Variants in ADGRL3 observed in about 807,000 individuals in gnomAD.
The protein encoded by ADGRL3 is adhesion G protein-coupled receptor L3.
In ADGRL3, 62 loss-of-function variants were observed where a neutral mutation model predicts 153.5. The ratio of observed to expected loss-of-function variants is 0.40; its 90% CI spans 0.33 to 0.50. The LOEUF is 0.50. ADGRL3 is among the 20% of genes least tolerant of loss of function. The pLI, the probability that ADGRL3 is intolerant of heterozygous loss-of-function variation, is 0.47. For missense variants in ADGRL3, 1,641 were observed against 1,859.4 expected, an observed-to-expected ratio of 0.88 and a Z score of 2.16; for synonymous variants, 710 against 672.5, an observed-to-expected ratio of 1.06 and a Z score of -0.86.
intron 9 of ADGRL3, among the ~76,000 whole-genome samples, chr4:61,852,830 ATTT>A (rs2098222552): frequency 2.0e-5 from 3 of 151,314 alleles, no homozygotes; most frequent in Non-Finnish European, 3.0e-5. Context: ...TTATTTATTT[ATTT>A]ATTTATTTAT....
At chr4:61,510,375 T>C (rs1475018917) in intron 3 of ADGRL3, among the ~76,000 whole-genome samples, 1 of 152,182 alleles carries the variant, frequency 6.6e-6, no homozygotes, top group Non-Finnish European at 1.5e-5. Flanking sequence ...GCTTGTAGGA[T>C]TTTTATAGTT....
At chr4:61,928,811 T>G (rs886946608) in intron 13 of ADGRL3, among the ~76,000 whole-genome samples, 5 of 151,966 alleles carry the variant, frequency 3.3e-5, no homozygotes, top group Non-Finnish European at 7.4e-5. Context: ...GGGCAAAAAT[T>G]AAAGAAATAA....
intron 21 of ADGRL3, among the ~76,000 whole-genome samples, chr4:62,021,739 C>T (rs758470907): frequency 1.3e-5 from 2 of 152,050 alleles, no homozygotes; most frequent in Non-Finnish European, 2.9e-5. Flanking sequence ...TCTGTGGTTA[C>T]TGATCTTTGA....
chr4:61,999,889 T>A (rs561368153), intron 21 of ADGRL3, among the ~76,000 whole-genome samples: 13 of 152,272 alleles, frequency 8.5e-5, no homozygotes, highest in South Asian at 8.3e-4. Context: ...TGAGTGATAG[T>A]CTTTTGTAAT....
At chr4:61,993,290 CTTT>C (rs761710043) in intron 19 of ADGRL3, among the ~76,000 whole-genome samples, 1 of 69,200 alleles carries the variant, frequency 1.4e-5, no homozygotes, top group Non-Finnish European at 2.9e-5. Context: ...TCTTTCTTTC[CTTT>C]TTTTTTTTTT....
rs139873989 is a variant in ADGRL3, at chr4:61,894,895, C to T, written c.1784-836C>T. ...TCTTTTAATATTCTCATTGATTTTC[C>T]GGCACCCACAAATGATAGACAAGGG... is the stretch of plus-strand genomic sequence containing the variant. On this transcript the variant is annotated intron_variant, in intron 10 of 26. Transcript: ENST00000683033. Among the ~76,000 whole-genome samples the T allele has an allele frequency of 1.2e-3, 178 of 152,132 alleles. 1 individual carries two copies. Among genetic ancestry groups the T allele is most frequent in the Middle Eastern group, 6.8e-3 (2 of 294 alleles).
intron 21 of ADGRL3, among the ~76,000 whole-genome samples, chr4:62,019,398 T>G (rs1212258426): frequency 6.6e-6 from 1 of 152,112 alleles, no homozygotes; most frequent in African/African-American, 2.4e-5. Context: ...GAGAGTAAAC[T>G]CCAATTGATG....
intron 9 of ADGRL3, among the ~76,000 whole-genome samples, chr4:61,889,272 G>A (rs1008955256): frequency 6.6e-6 from 1 of 152,222 alleles, no homozygotes; most frequent in African/African-American, 2.4e-5. Context: ...AGTTAGCCAG[G>A]TGAAAATGGG....
At chr4:61,416,544 C>T (rs1238906265) in intron 2 of ADGRL3, among the ~76,000 whole-genome samples, 1 of 152,128 alleles carries the variant, frequency 6.6e-6, no homozygotes, top group African/African-American at 2.4e-5. Context: ...CTATTTGCAA[C>T]AAGCCAAGTA....
intron 1 of ADGRL3, among the ~76,000 whole-genome samples, chr4:61,266,475 A>C (rs1202480568): frequency 2.6e-5 from 4 of 151,822 alleles, no homozygotes; most frequent in Admixed American, 2.6e-4. Flanking sequence ...CATCACTTCT[A>C]TTGAAAAAAG....
At position 62,070,440 on chromosome 4, in the gene ADGRL3, G is replaced by A. The variant is rs1161206455; in HGVS notation, c.4164G>A (p.Glu1388=). Residue 1388 remains glutamate, a synonymous_variant, in exon 27 of 27, where the codon GAG becomes GAA. Coordinates refer to ENST00000683033, the MANE Select transcript of ADGRL3 (RefSeq NM_001387552.1). ...ATGCCACCTCGTTTAACCACGAGGA[G>A]AGTTTGGGCCTGGAACTCATTCATG... ...LDDATSFNHE[E]SLGLELIHEE... 3 of 1,551,754 alleles carry A rather than the reference G, an allele frequency of 1.9e-6. No individual in the cohort carries two copies. Among genetic ancestry groups the A allele is most frequent in the East Asian group, 4.9e-5 (2 of 40,866 alleles).
At chr4:61,220,040 G>A (rs1351157644) in intron 1 of ADGRL3, among the ~76,000 whole-genome samples, 2 of 151,754 alleles carry the variant, frequency 1.3e-5, no homozygotes, top group East Asian at 1.9e-4. Flanking sequence ...CCTGGGGGGC[G>A]GAGGTTGCAT....
chr4:62,002,833 T>G (rs2099145188), intron 21 of ADGRL3, among the ~76,000 whole-genome samples: 1 of 152,090 alleles, frequency 6.6e-6, no homozygotes, highest in Non-Finnish European at 1.5e-5. Flanking sequence ...TAACCTAATT[T>G]AAAAATAGTA....
chr4:61,882,319 T>C (rs1159506061), intron 9 of ADGRL3, among the ~76,000 whole-genome samples: 1 of 152,174 alleles, frequency 6.6e-6, no homozygotes, highest in African/African-American at 2.4e-5. Context: ...ATGGTATCCA[T>C]ACTCAAAAGC....
chr4:61,753,189 G>A (rs2096778036), intron 8 of ADGRL3, among the ~76,000 whole-genome samples: 2 of 149,564 alleles, frequency 1.3e-5, no homozygotes, highest in Non-Finnish European at 3.0e-5. Flanking sequence ...TCCTCTAGAT[G>A]GTATGAACAA....
chr4:61,482,952 CT>C (rs1338894325), intron 2 of ADGRL3, among the ~76,000 whole-genome samples: 2 of 152,012 alleles, frequency 1.3e-5, no homozygotes, highest in African/African-American at 4.8e-5. Context: ...AAATAATTAC[CT>C]TGTATAATAC....
chr4:61,889,940 T>A (rs1468442083), intron 9 of ADGRL3, among the ~76,000 whole-genome samples: 2 of 152,156 alleles, frequency 1.3e-5, no homozygotes, highest in Non-Finnish European at 2.9e-5. Flanking sequence ...AAAGGTACCT[T>A]CATTTAGAAA....
At chr4:61,436,889 TC>T (rs369052454) in intron 2 of ADGRL3, among the ~76,000 whole-genome samples, 29 of 21,982 alleles carry the variant, frequency 1.3e-3, no homozygotes, top group African/African-American at 1.6e-3. Flanking sequence ...GTACTTGATA[TC>T]AAAAAAAAGG....
At chr4:61,342,380 T>C (rs1171202576) in intron 1 of ADGRL3, among the ~76,000 whole-genome samples, 1 of 152,164 alleles carries the variant, frequency 6.6e-6, no homozygotes, top group African/African-American at 2.4e-5. Context: ...ATTATATAAA[T>C]ATTTAATAGT....
Sources: allele counts gnomAD v4.1 joint callset (sites outside exome capture counted in the v4.1 genomes callset), GRCh38; gene constraint gnomAD v4.1.1; transcripts MANE v1.5; gene names NCBI Gene and HGNC (gene_info 2026-07-23, HGNC 2026-07-21).